Variants in ZBTB7C observed in about 807,000 individuals in gnomAD.
The protein encoded by ZBTB7C is zinc finger and BTB domain containing 7C, also known as zinc finger and BTB domain-containing protein 7C.
In ZBTB7C, 8 loss-of-function variants were observed where a neutral mutation model predicts 25.7. The ratio of observed to expected loss-of-function variants is 0.31; its 90% confidence interval spans 0.18 to 0.56. The LOEUF (loss-of-function observed/expected upper bound fraction) is 0.56, where lower values mean the gene tolerates loss of function less well. ZBTB7C is among the 20% of genes least tolerant of loss of function. The pLI is 0.91. For missense variants in ZBTB7C, 824 were observed against 855.2 expected, an observed-to-expected ratio of 0.96 and a Z score of 0.46; for synonymous variants, 394 against 369.0, an observed-to-expected ratio of 1.07 and a Z score of -0.78.
chr18:48,211,752 G>T (rs1318636200), intron 2 of ZBTB7C, among the ~76,000 whole-genome samples: 1 of 152,178 alleles, frequency 6.6e-6, no homozygotes, highest in Non-Finnish European at 1.5e-5. Context: ...GATGCAAAAT[G>T]ATACAGCCAC....
At chr18:48,273,495 T>C (rs1344804851) in intron 2 of ZBTB7C, among the ~76,000 whole-genome samples, 2 of 152,070 alleles carry the variant, frequency 1.3e-5, no homozygotes, top group Non-Finnish European at 2.9e-5. Context: ...ATTAGTTACC[T>C]CAATGAAGTT....
chr18:48,146,007 T>A (rs2040487474), intron 3 of ZBTB7C, among the ~76,000 whole-genome samples: 1 of 152,224 alleles, frequency 6.6e-6, no homozygotes, highest in Non-Finnish European at 1.5e-5. Flanking sequence ...CAGCATTGAG[T>A]ATAATACGAT....
intron 3 of ZBTB7C, among the ~76,000 whole-genome samples, chr18:48,175,233 A>G (rs1396908685): frequency 6.6e-6 from 1 of 152,224 alleles, no homozygotes; most frequent in Non-Finnish European, 1.5e-5. Flanking sequence ...AATCCTAGTA[A>G]TTTATGAACA....
Position 48,040,455 on chromosome 18 carries a change from T to C in ZBTB7C, c.653A>G (p.His218Arg). Residue 218 changes from histidine to arginine, a missense_variant, in exon 4 of 5, where the codon CAT becomes CGT. By Grantham distance (29) the His-to-Arg change is conservative. Transcript: ENST00000590800. Reference protein sequence around the residue: ...PDSFQAGSPGHLGVIRDFSIE... With the variant: ...PDSFQAGSPGRLGVIRDFSIE... The stretch of plus-strand genomic sequence containing the variant: ...GGAGAAGTCCCGGATCACCCCCAGA[T>C]GGCCAGGACTGCCAGCCTGGAAGGA... 6.2e-7 allele frequency: 1 copy of C among 1,607,278 alleles called. No homozygotes were observed. Among genetic ancestry groups the C allele is most frequent in the Non-Finnish European group, 8.5e-7 (1 of 1,176,452 alleles).
rs35051690 is a variant in ZBTB7C, at chr18:48,091,238, ATTTTTTTTTT to A, written c.-16-50125_-16-50116del. Among the ~76,000 whole-genome samples, 14 of 64,670 alleles carry A rather than the reference ATTTTTTTTTT, an allele frequency of 2.2e-4. No homozygotes were observed. In the East Asian group the frequency reaches 2.9e-3, roughly 14 times the overall value. The allele number at this position is 64,670 out of a possible 152,430, so 42.4% of individuals were successfully genotyped here. Reference sequence around the variant, plus strand: ...AGGCATGTGCCACTATGCCCGGATAATTTTTTTTTTTTTTTTTTTTTTTTTGGAGAGACAG... The same window carrying A: ...AGGCATGTGCCACTATGCCCGGATAATTTTTTTTTTTTTTTGGAGAGACAG... On this transcript the variant is annotated intron_variant, in intron 3 of 4. Coordinates refer to ENST00000590800, the MANE Select transcript of ZBTB7C (RefSeq NM_001318841.2).
intron 1 of ZBTB7C, among the ~76,000 whole-genome samples, chr18:48,356,381 T>C (rs1449381642): frequency 1.3e-5 from 2 of 152,184 alleles, no homozygotes; most frequent in East Asian, 3.9e-4. Flanking sequence ...AAGCCTTCCC[T>C]GGGCCCTGCT....
chr18:48,372,243 C>T (rs745694787), intron 1 of ZBTB7C, among the ~76,000 whole-genome samples: 4 of 152,184 alleles, frequency 2.6e-5, no homozygotes, highest in Admixed American at 6.5e-5. Flanking sequence ...GCTTGAAGCC[C>T]TCTAATTCAT....
intron 2 of ZBTB7C, among the ~76,000 whole-genome samples, chr18:48,242,538 G>A (rs1374997201): frequency 6.6e-6 from 1 of 152,166 alleles, no homozygotes; most frequent in Non-Finnish European, 1.5e-5. Flanking sequence ...TGCAGGGATG[G>A]TTTAATATAC....
At chr18:48,243,987 A>T (rs555763893) in intron 2 of ZBTB7C, among the ~76,000 whole-genome samples, 1 of 152,362 alleles carries the variant, frequency 6.6e-6, no homozygotes, top group Non-Finnish European at 1.5e-5. Context: ...GAAGAATGAA[A>T]CTGGATCCTC....
chr18:48,367,175 TTATA>T (rs71165321), intron 1 of ZBTB7C, among the ~76,000 whole-genome samples: 8 of 62,274 alleles, frequency 1.3e-4, no homozygotes, highest in African/African-American at 4.5e-4. Context: ...TCCCCAAGTT[TTATA>T]TATATATATA....
chr18:48,368,342 C>A (rs1377178081), intron 1 of ZBTB7C, among the ~76,000 whole-genome samples: 3 of 150,152 alleles, frequency 2.0e-5, no homozygotes, highest in Admixed American at 2.0e-4. Flanking sequence ...GCTCGATAGC[C>A]AAATAGAGGA....
chr18:48,245,088 G>GTA (rs1384990097), intron 2 of ZBTB7C, among the ~76,000 whole-genome samples: 4 of 43,690 alleles, frequency 9.2e-5, no homozygotes, highest in Non-Finnish European at 1.9e-4. Context: ...TAGTGTGTGT[G>GTA]TGTGTATATA....
chr18:48,039,871 G>A (rs2036138707), intron 4 of ZBTB7C, 29 bp downstream of exon 4: 2 of 1,604,126 alleles, frequency 1.2e-6, no homozygotes, highest in Non-Finnish European at 1.7e-6. Flanking sequence ...CTGGCCCCGT[G>A]CCCCACACCC....
intron 2 of ZBTB7C, among the ~76,000 whole-genome samples, chr18:48,196,926 G>A (rs1233106298): frequency 6.6e-6 from 1 of 152,174 alleles, no homozygotes; most frequent in Non-Finnish European, 1.5e-5. Context: ...CTTGGAAAGA[G>A]AAAGCTAATT....
Position 48,040,990 on chromosome 18 carries a change from C to T in ZBTB7C, c.118G>A (p.Val40Met). The T allele has an allele frequency of 6.2e-7, 1 of 1,614,178 alleles. No individual in the cohort carries two copies. Among genetic ancestry groups the T allele is most frequent in the Non-Finnish European group, 8.5e-7 (1 of 1,180,028 alleles). Residue 40 changes from valine (V) to methionine (M), a missense_variant, in exon 4 of 5, where the codon GTG becomes ATG. Physicochemically the swap from Val to Met is conservative, Grantham distance 21. Around this residue, in one of 4 missense-constraint regions of ZBTB7C, gnomAD observed 117 missense variants for 167.7 expected, o/e 0.70. Transcript: ENST00000590800. ...DGLLCDVLLV[V>M]QEQEYRTHRS... is the part of the protein sequence containing the mutation. The stretch of plus-strand genomic sequence containing the variant: ...TGGGTCCGATACTCCTGCTCCTGCA[C>T]CACCAGGAGCACGTCACACAGCAGG...
chr18:48,223,890 T>C (rs529841970), intron 2 of ZBTB7C, among the ~76,000 whole-genome samples: 22 of 152,352 alleles, frequency 1.4e-4, no homozygotes, highest in Admixed American at 2.6e-4. Context: ...AAAAATTACA[T>C]GTCCCAGAAA....
intron 2 of ZBTB7C, among the ~76,000 whole-genome samples, chr18:48,227,826 G>A (rs989316135): frequency 2.6e-5 from 4 of 152,184 alleles, no homozygotes; most frequent in Admixed American, 6.5e-5. Flanking sequence ...AATTTTTGCA[G>A]ACATGGAGGG....
chr18:48,282,467 A>G (rs988599943), intron 2 of ZBTB7C, among the ~76,000 whole-genome samples: 1 of 152,126 alleles, frequency 6.6e-6, no homozygotes, highest in Non-Finnish European at 1.5e-5. Context: ...ATAATAATAA[A>G]AAAAAAATTT....
chr18:48,139,595 T>C (rs2040278991), intron 3 of ZBTB7C, among the ~76,000 whole-genome samples: 1 of 151,966 alleles, frequency 6.6e-6, no homozygotes, highest in Non-Finnish European at 1.5e-5. Flanking sequence ...GGTCCTGCAG[T>C]GGACAGTGAA....
Sources: allele counts gnomAD v4.1 joint callset (sites outside exome capture counted in the v4.1 genomes callset), GRCh38; gene constraint gnomAD v4.1.1; regional missense constraint gnomAD v4.1.1; transcripts MANE v1.5; gene names NCBI Gene and HGNC (gene_info 2026-07-23, HGNC 2026-07-21).